Variants in ZNHIT6 observed in about 807,000 individuals in gnomAD.
The protein encoded by ZNHIT6 is box C/D snoRNA protein 1.
ZNHIT6 carries 45 observed loss-of-function variants against 57.2 expected under a neutral mutation model. The observed-to-expected ratio is 0.79, with a 90% CI of 0.62 to 1.01. ZNHIT6 has a LOEUF of 1.01. Among genes scored for constraint, ZNHIT6 ranks in the 50% least tolerant of loss-of-function variants. The pLI is 0.00. For missense variants in ZNHIT6, 528 were observed against 567.3 expected (o/e 0.93, Z 0.70); for synonymous variants, 188 against 190.0 (o/e 0.99, Z 0.09).
chr1:85,677,144 T>C, intron 8 of ZNHIT6, 92 bp downstream of exon 8: 1 of 873,760 alleles, frequency 1.1e-6, no homozygotes, highest in Non-Finnish European at 1.7e-6. Flanking sequence ...CATAGCTAGA[T>C]AATTAGTTTA....
At chr1:85,694,530 T>TG (rs2100706378) in intron 5 of ZNHIT6, among the ~76,000 whole-genome samples, 1 of 152,220 alleles carries the variant, frequency 6.6e-6, no homozygotes, top group East Asian at 1.9e-4. Context: ...TGCACAATCT[T>TG]GGCTCACTGC....
At position 85,651,640 on chromosome 1, in the gene ZNHIT6, T is replaced by C. The variant is rs1288690722; in HGVS notation, c.*2418A>G. On this transcript the variant is annotated 3_prime_UTR_variant, in exon 10 of 10. Transcript: ENST00000370574. Reference sequence around the variant, plus strand: ...AATTATGAAAGGCCTATCTTCTCTTTGAAATCACTGTTTAAAAAAATAAAG... The same window carrying C: ...AATTATGAAAGGCCTATCTTCTCTTCGAAATCACTGTTTAAAAAAATAAAG... 6.6e-6 allele frequency: 1 copy of C among 152,240 alleles called. No homozygotes were observed. Among genetic ancestry groups the C allele is most frequent in the East Asian group, 1.9e-4 (1 of 5,200 alleles). The allele number at this position is 152,240 out of a possible 1,614,324, so 9.4% of individuals were successfully genotyped here.
chr1:85,692,631 C>T (rs965584664), intron 5 of ZNHIT6, among the ~76,000 whole-genome samples: 7 of 152,074 alleles, frequency 4.6e-5, no homozygotes, highest in East Asian at 1.9e-4. Flanking sequence ...CTGCTAAACC[C>T]ATCATTTCAT....
rs141141716 is a variant in ZNHIT6, at chr1:85,657,966, T to C, written c.1253A>G (p.Tyr418Cys). The C allele has an allele frequency of 1.4e-6, 2 of 1,478,182 alleles. No individual in the cohort carries two copies. The highest frequency in any genetic ancestry group is 1.8e-6 in the Non-Finnish European group (2 of 1,090,560). 91.6% of individuals were successfully genotyped at this position (1,478,182 alleles called of 1,614,324 possible). The change falls in exon 9 of 10, where the codon TAT (tyrosine) becomes TGT (cysteine). Residue 418 changes from tyrosine to cysteine, a missense_variant. Tyr to Cys is a radical substitution (Grantham distance 194). Coordinates refer to ENST00000370574, the MANE Select transcript of ZNHIT6 (RefSeq NM_017953.4). ...GAGACTTTTATAAGGATCTAGTTCA[T>C]AATATCTTATTAATAAAAAAAAACA... ...EYMQQNLVRY[Y>C]ELDPYKSLLD...
At chr1:85,676,985 G>T (rs1224436921) in intron 8 of ZNHIT6, among the ~76,000 whole-genome samples, 2 of 152,096 alleles carry the variant, frequency 1.3e-5, no homozygotes, top group Non-Finnish European at 2.9e-5. Context: ...ACAAATAAAA[G>T]AATGCTTATA....
Position 85,649,735 on chromosome 1 carries a change from A to C in ZNHIT6, c.*4323T>G, listed in dbSNP as rs1034635900. The C allele has an allele frequency of 6.6e-6, 1 of 152,172 alleles. No individual in the cohort carries two copies. The highest frequency in any genetic ancestry group is 1.5e-5 in the Non-Finnish European group (1 of 68,026). 9.4% of individuals were successfully genotyped at this position (152,172 alleles called of 1,614,324 possible). A position where few individuals can be genotyped will look rare whatever the true frequency, so the allele number is the denominator to read the frequency against. ...TTTTCCCCTAGTACTCTAATTTCAA[A>C]ATCAGTATCTCTCAAATGCTGATGC... On this transcript the variant is annotated 3_prime_UTR_variant, in exon 10 of 10. Transcript: ENST00000370574.
At chr1:85,696,726 TTAAC>T (rs1662381109) in intron 5 of ZNHIT6, among the ~76,000 whole-genome samples, 1 of 152,150 alleles carries the variant, frequency 6.6e-6, no homozygotes, top group Non-Finnish European at 1.5e-5. Context: ...CTGTACCAAT[TTAAC>T]TATCAACAAT....
In ZNHIT6 at chr1:85,650,671, T is replaced by A. The variant is rs993169181; in HGVS notation, c.*3387A>T. ...GCAGCTGTATCTGGTGAGGGTCTCATGTTGCTTCCACTCTTGGTACAAAGT... is the reference window on the plus strand; with the variant it reads ...GCAGCTGTATCTGGTGAGGGTCTCAAGTTGCTTCCACTCTTGGTACAAAGT... On this transcript the variant is annotated 3_prime_UTR_variant, in exon 10 of 10. Transcript: ENST00000370574. The A allele has an allele frequency of 4.6e-5, 7 of 152,160 alleles. No individual in the cohort carries two copies. Among genetic ancestry groups the A allele is most frequent in the Non-Finnish European group, 7.3e-5 (5 of 68,044 alleles). 9.4% of individuals were successfully genotyped at this position (152,160 alleles called of 1,614,324 possible).
chr1:85,698,806 C>T (rs948405386), intron 5 of ZNHIT6, among the ~76,000 whole-genome samples: 1 of 152,070 alleles, frequency 6.6e-6, no homozygotes, highest in African/African-American at 2.4e-5. Flanking sequence ...GGTTTCACTG[C>T]ACAAATAGTA....
chr1:85,654,215 ACAAACCGCGT>A, intron 9 of ZNHIT6, 117 bp from the exon 10 acceptor site: 1 of 735,612 alleles, frequency 1.4e-6, no homozygotes, highest in Non-Finnish European at 2.2e-6. Context: ...ACAGGGACAC[ACAAACCGCGT>A]CATGTCCCAG....
At chr1:85,690,930 G>T (rs1043595280) in intron 5 of ZNHIT6, among the ~76,000 whole-genome samples, 1 of 152,176 alleles carries the variant, frequency 6.6e-6, no homozygotes, top group Non-Finnish European at 1.5e-5. Flanking sequence ...GGAGGCTGAG[G>T]CAGAAGAATC....
In ZNHIT6 at chr1:85,653,747, G is replaced by T. The variant is rs1660980291; in HGVS notation, c.*311C>A. 8.8e-6 allele frequency: 2 copies of T among 226,622 alleles called. No homozygotes were observed. Among genetic ancestry groups the T allele is most frequent in the Non-Finnish European group, 1.7e-5 (2 of 118,548 alleles). 14.0% of individuals were successfully genotyped at this position (226,622 alleles called of 1,614,324 possible). ...ACTCCAAGACCCCATCTCAAAAAAA[G>T]AAAGAAAAAAGAAAAAAAAAGTTTT... On this transcript the variant is annotated 3_prime_UTR_variant, in exon 10 of 10. Coordinates refer to ENST00000370574, the MANE Select transcript of ZNHIT6 (RefSeq NM_017953.4).
At chr1:85,695,960 C>T (rs145495503) in intron 5 of ZNHIT6, among the ~76,000 whole-genome samples, 2,132 of 152,108 alleles carry the variant, frequency 0.014, 17 homozygotes, top group Non-Finnish European at 0.024. Context: ...GGTGTGAACC[C>T]GGGAGGCAGA....
intron 5 of ZNHIT6, among the ~76,000 whole-genome samples, chr1:85,687,282 A>G (rs1237068790): frequency 1.3e-5 from 1 of 75,120 alleles, no homozygotes; most frequent in African/African-American, 4.2e-5. Context: ...AGACTATCTC[A>G]AAAAACAAAA....
chr1:85,702,039 A>C, intron 5 of ZNHIT6, 118 bp downstream of exon 5: 1 of 662,646 alleles, frequency 1.5e-6, no homozygotes, highest in Non-Finnish European at 2.6e-6. Context: ...GTCATGGACC[A>C]ATAACAAACA....
At chr1:85,658,028 AATAG>A (rs1661110528) in intron 8 of ZNHIT6, 57 bp from the exon 9 acceptor site, 5 of 1,177,936 alleles carry the variant, frequency 4.2e-6, no homozygotes, top group African/African-American at 3.2e-5. Flanking sequence ...CAAAATTACT[AATAG>A]ATAAATATAT....
intron 8 of ZNHIT6, among the ~76,000 whole-genome samples, chr1:85,665,750 T>C (rs1343106320): frequency 1.3e-5 from 2 of 152,210 alleles, no homozygotes; most frequent in African/African-American, 4.8e-5. Context: ...GTACAGACTC[T>C]TACATCTTCA....
chr1:85,693,215 G>A (rs1044265558), intron 5 of ZNHIT6, among the ~76,000 whole-genome samples: 6 of 152,068 alleles, frequency 3.9e-5, no homozygotes, highest in African/African-American at 1.4e-4. Flanking sequence ...GAAATGGGTG[G>A]TTAGTCCACA....
chr1:85,703,556 TAA>T (rs920399712), intron 4 of ZNHIT6, among the ~76,000 whole-genome samples: 1 of 152,140 alleles, frequency 6.6e-6, no homozygotes, highest in Non-Finnish European at 1.5e-5. Flanking sequence ...AACTTTCCAA[TAA>T]ATGGTGCTGG....
Sources: allele counts gnomAD v4.1 joint callset (sites outside exome capture counted in the v4.1 genomes callset), GRCh38; gene constraint gnomAD v4.1.1; transcripts MANE v1.5; gene names NCBI Gene and HGNC (gene_info 2026-07-23, HGNC 2026-07-21).